The following ANO4 variants were observed in gnomAD, a reference collection of about 807,000 sequenced individuals.
ANO4 encodes the protein anoctamin 4, also known as anoctamin-4.
ANO4 carries 69 observed loss-of-function variants against 141.9 expected under a neutral mutation model. The observed-to-expected ratio is 0.49, with a 90% CI of 0.40 to 0.59. The LOEUF (loss-of-function observed/expected upper bound fraction) is 0.59. Among genes scored for constraint, ANO4 ranks in the 20% least tolerant of loss-of-function variants. The pLI is 0.00. For synonymous variants in ANO4, 350 were observed against 394.3 expected (o/e 0.89, Z 1.33); for missense variants, 894 against 1,162.2 (o/e 0.77, Z 3.36).
At chr12:100,816,156 T>C (rs2035730119) in intron 1 of ANO4, among the ~76,000 whole-genome samples, 1 of 152,110 alleles carries the variant, frequency 6.6e-6, no homozygotes, top group South Asian at 2.1e-4. Context: ...AATTCATTAA[T>C]TTATTTAAAA....
intron 1 of ANO4, among the ~76,000 whole-genome samples, chr12:100,871,276 T>G (rs1216477423): frequency 6.6e-6 from 1 of 152,174 alleles, no homozygotes; most frequent in Non-Finnish European, 1.5e-5. Flanking sequence ...TAGGCCGTAT[T>G]CCAAAATAGA....
At chr12:100,957,651 C>T (rs780089391) in intron 5 of ANO4, among the ~76,000 whole-genome samples, 3 of 152,128 alleles carry the variant, frequency 2.0e-5, no homozygotes, top group Non-Finnish European at 4.4e-5. Flanking sequence ...AGTGCAGTGG[C>T]GCGATCTCAG....
At chr12:100,736,778 G>A (rs1240810635) in intron 2 of ANO4, among the ~76,000 whole-genome samples, 1 of 152,152 alleles carries the variant, frequency 6.6e-6, no homozygotes, top group Non-Finnish European at 1.5e-5. Flanking sequence ...AGAGAGAGCT[G>A]TGTGATGGCA....
chr12:100,899,384 G>A (rs1413650831), intron 1 of ANO4, among the ~76,000 whole-genome samples: 5 of 152,178 alleles, frequency 3.3e-5, no homozygotes, highest in Non-Finnish European at 7.4e-5. Flanking sequence ...CTCTCTTCCT[G>A]TACTGGAAGC....
chr12:101,101,945 G>T (rs1227024470), intron 22 of ANO4, among the ~76,000 whole-genome samples: 1 of 152,066 alleles, frequency 6.6e-6, no homozygotes. Flanking sequence ...TTAGCTGGGC[G>T]CAGTGGCAGG....
chr12:100,914,975 C>CA (rs1489259957), intron 2 of ANO4, among the ~76,000 whole-genome samples: 1 of 151,720 alleles, frequency 6.6e-6, no homozygotes, highest in Non-Finnish European at 1.5e-5. Context: ...CCAATATGCC[C>CA]AGCTAATTTT....
chr12:100,744,046 A>AT lies in ANO4; in HGVS notation c.358+3942dup, dbSNP rs1363009474. Among the ~76,000 whole-genome samples, 3 of 152,038 alleles carry AT rather than the reference A, an allele frequency of 2.0e-5. No individual in the cohort carries two copies. The East Asian group carries it at 5.8e-4, about 29-fold the overall frequency. The stretch of plus-strand genomic sequence containing the variant: ...ATCCTCAATCACTCCATTCCTTTCT[A>AT]TCCAATCCCCAGCTGCATACTGATG... On this transcript the variant is annotated intron_variant, in intron 3 of 29. Transcript: ENST00000644049.
At position 101,096,470 on chromosome 12, in the gene ANO4, GAA is replaced by G. The variant is rs780396239; in HGVS notation, c.1739-64_1739-63del. 1,153 of 1,272,770 alleles carry G rather than the reference GAA, an allele frequency of 9.1e-4. 1 individual carries two copies. Among genetic ancestry groups the G allele is most frequent in the Non-Finnish European group, 1.1e-3 (982 of 876,114 alleles). 78.8% of individuals were successfully genotyped at this position (1,272,770 alleles called of 1,614,324 possible). On this transcript the variant is annotated intron_variant, in intron 18 of 27. Transcript: ENST00000392977. ...TCCCCACCCTGTGTGTGTGGGGAGG[GAA>G]AGAGAGGGAGTTGAGAGGGGATGAG...
In ANO4 at chr12:101,043,268, A is replaced by C. The variant is rs140333934; in HGVS notation, c.1155-271A>C. ...TTGAAAAGTGAAGGACATTTCTATAATTTGGGATATAACAATCAATGTTTG... is the reference window on the plus strand; with the variant it reads ...TTGAAAAGTGAAGGACATTTCTATACTTTGGGATATAACAATCAATGTTTG... On this transcript the variant is annotated intron_variant, in intron 12 of 27. Transcript: ENST00000392977. 5.6e-3 allele frequency among the ~76,000 whole-genome samples: 854 copies of C among 152,344 alleles called. 11 individuals are homozygous for C. The highest frequency in any genetic ancestry group is 0.019 in the African/African-American group (790 of 41,576).
chr12:100,832,930 T>A (rs1271189352), intron 1 of ANO4, among the ~76,000 whole-genome samples: 1 of 152,184 alleles, frequency 6.6e-6, no homozygotes, highest in East Asian at 1.9e-4. Flanking sequence ...CTTTAAACAC[T>A]TATACTCAGT....
At chr12:101,056,040 T>TC (rs1358158349) in intron 14 of ANO4, among the ~76,000 whole-genome samples, 5 of 152,300 alleles carry the variant, frequency 3.3e-5, no homozygotes, top group Admixed American at 2.6e-4. Context: ...ATGGCAATAA[T>TC]CCACTGTCTT....
At chr12:100,998,331 A>G (rs879257694) in intron 8 of ANO4, among the ~76,000 whole-genome samples, 1 of 152,086 alleles carries the variant, frequency 6.6e-6, no homozygotes, top group Non-Finnish European at 1.5e-5. Context: ...CAGGCAGCCT[A>G]TTGTGGGACC....
chr12:100,811,200 A>G (rs116632178), intron 1 of ANO4, among the ~76,000 whole-genome samples: 3,117 of 152,280 alleles, frequency 0.02, 107 homozygotes, highest in African/African-American at 0.07. Context: ...TGTGGGGTCA[A>G]TGAATTAAAT....
intron 8 of ANO4, among the ~76,000 whole-genome samples, chr12:100,996,154 T>C (rs1411369779): frequency 6.6e-6 from 1 of 152,236 alleles, no homozygotes; most frequent in African/African-American, 2.4e-5. Flanking sequence ...GATACTAAGA[T>C]ATTTAATTCA....
intron 3 of ANO4, among the ~76,000 whole-genome samples, chr12:100,741,824 G>T (rs1220301012): frequency 6.6e-6 from 1 of 152,108 alleles, no homozygotes; most frequent in Non-Finnish European, 1.5e-5. Context: ...AAAATCAGAA[G>T]TTAATATATA....
chr12:100,902,321 G>A (rs2040631417), intron 2 of ANO4, among the ~76,000 whole-genome samples: 5 of 152,158 alleles, frequency 3.3e-5, no homozygotes, highest in South Asian at 4.1e-4. Context: ...CTTCTGGGAA[G>A]CATCTGTGAT....
intron 7 of ANO4, among the ~76,000 whole-genome samples, chr12:100,975,848 T>A (rs1441669151): frequency 6.7e-6 from 1 of 148,998 alleles, no homozygotes; most frequent in Admixed American, 6.8e-5. Flanking sequence ...ATGAGTGGGG[T>A]CCTCCTATGT....
chr12:101,031,646 CTGTT>C (rs1235297255), intron 9 of ANO4, among the ~76,000 whole-genome samples: 4 of 152,194 alleles, frequency 2.6e-5, no homozygotes, highest in Non-Finnish European at 5.9e-5. Flanking sequence ...CAAACTCTCT[CTGTT>C]TGCAGATGAC....
At chr12:100,978,715 TAGC>T (rs781716628) in intron 7 of ANO4, among the ~76,000 whole-genome samples, 191 of 152,352 alleles carry the variant, frequency 1.3e-3, no homozygotes, top group Non-Finnish European at 2.2e-3. Context: ...GCTTAGCACT[TAGC>T]AGCTATTTGG....
Sources: gnomAD v4.1 joint callset for allele counts (sites outside exome capture counted in the v4.1 genomes callset) on GRCh38, gnomAD v4.1.1 for gene constraint, MANE v1.5 for transcripts, NCBI Gene and HGNC (gene_info 2026-07-23, HGNC 2026-07-21) for gene names.